DOCK3: variants seen among roughly 807,000 people sequenced by gnomAD.
DOCK3 encodes dedicator of cytokinesis protein 3.
Under a neutral mutation model 265.6 loss-of-function variants are expected in DOCK3, and 60 were observed. The ratio of observed to expected loss-of-function variants is 0.23; its 90% CI spans 0.18 to 0.28. The LOEUF (loss-of-function observed/expected upper bound fraction) is 0.28. DOCK3 is among the 10% of genes least tolerant of loss of function. DOCK3 has a pLI of 1.00. For missense variants in DOCK3, 1,981 were observed against 2,594.3 expected (o/e 0.76, Z 5.14); for synonymous variants, 881 against 938.0 (o/e 0.94, Z 1.11).
intron 4 of DOCK3, among the ~76,000 whole-genome samples, chr3:50,915,587 G>A (rs895034937): frequency 1.8e-4 from 28 of 152,154 alleles, no homozygotes; most frequent in African/African-American, 3.4e-4. Flanking sequence ...CCTGGAATGC[G>A]CAGCTGCTCC....
chr3:50,817,091 A>G (rs2044128461), intron 2 of DOCK3, among the ~76,000 whole-genome samples: 1 of 152,238 alleles, frequency 6.6e-6, no homozygotes, highest in Non-Finnish European at 1.5e-5. Context: ...TGATATGCCA[A>G]ACATGGGGTG....
At chr3:51,022,522 C>T (rs983709641) in intron 5 of DOCK3, among the ~76,000 whole-genome samples, 1 of 152,160 alleles carries the variant, frequency 6.6e-6, no homozygotes, top group African/African-American at 2.4e-5. Context: ...GTGTTAGATA[C>T]ATGGAACATA....
intron 5 of DOCK3, among the ~76,000 whole-genome samples, chr3:51,028,921 T>C (rs1040937330): frequency 6.6e-6 from 1 of 152,210 alleles, no homozygotes; most frequent in Non-Finnish European, 1.5e-5. Context: ...GACATTTTAG[T>C]CTGGTTGGCA....
At chr3:51,311,445 G>A (rs765294793) in intron 28 of DOCK3, among the ~76,000 whole-genome samples, 9 of 152,200 alleles carry the variant, frequency 5.9e-5, no homozygotes, top group Non-Finnish European at 1.0e-4. Flanking sequence ...TGCCCAGGCT[G>A]AGATTGAGAG....
chr3:50,913,143 C>T (rs1005635414), intron 4 of DOCK3, among the ~76,000 whole-genome samples: 2 of 151,994 alleles, frequency 1.3e-5, no homozygotes, highest in African/African-American at 4.8e-5. Flanking sequence ...ATTCGTGGCC[C>T]GAGGGCTTTT....
At chr3:51,191,564 A>C (rs1283600450) in intron 12 of DOCK3, among the ~76,000 whole-genome samples, 2 of 152,006 alleles carry the variant, frequency 1.3e-5, no homozygotes, top group African/African-American at 4.8e-5. Context: ...TCCTAGAGGC[A>C]GTGTCTCCCC....
intron 1 of DOCK3, among the ~76,000 whole-genome samples, chr3:50,735,878 G>A (rs1255141856): frequency 6.6e-6 from 1 of 152,180 alleles, no homozygotes; most frequent in Non-Finnish European, 1.5e-5. Flanking sequence ...ACTCATGGCG[G>A]AAGGCATAGC....
chr3:50,925,447 G>A (rs2050706175), intron 4 of DOCK3, among the ~76,000 whole-genome samples: 1 of 152,164 alleles, frequency 6.6e-6, no homozygotes, highest in Non-Finnish European at 1.5e-5. Context: ...GGAGGCTGAG[G>A]CAGGAGGATT....
chr3:51,072,007 C>T (rs907613149), intron 6 of DOCK3, among the ~76,000 whole-genome samples: 8 of 152,102 alleles, frequency 5.3e-5, no homozygotes, highest in South Asian at 2.1e-4. Context: ...ATTAATTATT[C>T]TCTTATTTCT....
chr3:51,299,265 T>G (rs1237138415), intron 27 of DOCK3, among the ~76,000 whole-genome samples: 7 of 138,890 alleles, frequency 5.0e-5, no homozygotes, highest in Admixed American at 3.5e-4. Context: ...TTTTAATGGG[T>G]TTTTTTTTTC....
chr3:50,736,185 A>G (rs2038593898), intron 1 of DOCK3, among the ~76,000 whole-genome samples: 1 of 152,118 alleles, frequency 6.6e-6, no homozygotes, highest in African/African-American at 2.4e-5. Context: ...TTTGCTGAGA[A>G]TGATGGTTTC....
At chr3:50,983,177 G>A (rs965306911) in intron 5 of DOCK3, among the ~76,000 whole-genome samples, 1 of 152,132 alleles carries the variant, frequency 6.6e-6, no homozygotes, top group Non-Finnish European at 1.5e-5. Flanking sequence ...GGGTACACAG[G>A]GGGTAGGGAT....
At chr3:50,686,908 C>CAAA (rs34051001) in intron 1 of DOCK3, among the ~76,000 whole-genome samples, 5,052 of 90,340 alleles carry the variant, frequency 0.056, 562 homozygotes, top group East Asian at 0.33. Flanking sequence ...GACTCCATCT[C>CAAA]AAAAAAAAAA....
intron 21 of DOCK3, among the ~76,000 whole-genome samples, chr3:51,243,725 C>T (rs1204849616): frequency 6.6e-6 from 1 of 152,004 alleles, no homozygotes; most frequent in Non-Finnish European, 1.5e-5. Flanking sequence ...TGATGTAGTC[C>T]ACCTTATTTT....
At chr3:51,362,109 T>G in intron 48 of DOCK3, 112 bp downstream of exon 48, 1 of 1,368,280 alleles carries the variant, frequency 7.3e-7, no homozygotes, top group Non-Finnish European at 9.8e-7. Flanking sequence ...CTCTAGCTCC[T>G]GAATTCAGAA....
chr3:51,000,859 G>T (rs1180313258), intron 5 of DOCK3, among the ~76,000 whole-genome samples: 1 of 152,092 alleles, frequency 6.6e-6, no homozygotes, highest in African/African-American at 2.4e-5. Flanking sequence ...CGCCATGTTC[G>T]CCAGGCTGGT....
At chr3:51,216,500 C>G (rs1277529231) in intron 14 of DOCK3, among the ~76,000 whole-genome samples, 3 of 152,170 alleles carry the variant, frequency 2.0e-5, no homozygotes, top group Non-Finnish European at 4.4e-5. Context: ...GTGAGCCTGC[C>G]TTTGAAGTAC....
chr3:51,261,343 G>C (rs952359324), intron 23 of DOCK3, among the ~76,000 whole-genome samples: 2 of 152,190 alleles, frequency 1.3e-5, no homozygotes, highest in African/African-American at 4.8e-5. Context: ...CCCAAGGGAA[G>C]CTGGGAGAGA....
intron 1 of DOCK3, among the ~76,000 whole-genome samples, chr3:50,722,301 A>C (rs1380367819): frequency 6.6e-6 from 1 of 152,184 alleles, no homozygotes; most frequent in Non-Finnish European, 1.5e-5. Context: ...ACAAAGAGAA[A>C]GATCAAGTTC....
Sources: gnomAD v4.1 joint callset for allele counts (sites outside exome capture counted in the v4.1 genomes callset) on GRCh38, gnomAD v4.1.1 for gene constraint, MANE v1.5 for transcripts, NCBI Gene and HGNC (gene_info 2026-07-23, HGNC 2026-07-21) for gene names.